Variants in ESRRG observed in about 807,000 individuals in gnomAD.
The protein encoded by ESRRG is estrogen-related receptor gamma.
ESRRG carries 13 observed loss-of-function variants against 44.0 expected under a neutral mutation model. The observed-to-expected ratio is 0.30, with a 90% CI of 0.19 to 0.47. The LOEUF (loss-of-function observed/expected upper bound fraction) is 0.47, where lower values mean the gene tolerates loss of function less well. ESRRG is among the 20% of genes least tolerant of loss of function. The pLI is 1.00. For missense variants in ESRRG, 395 were observed against 580.6 expected (o/e 0.68, Z 3.29); for synonymous variants, 215 against 214.6 (o/e 1.00, Z -0.02).
intron 1 of ESRRG, among the ~76,000 whole-genome samples, chr1:216,687,337 G>A (rs754035654): frequency 1.3e-5 from 2 of 152,152 alleles, no homozygotes; most frequent in Non-Finnish European, 2.9e-5. Context: ...GTTTGTCCCA[G>A]TGTGCGACAC....
intron 2 of ESRRG, among the ~76,000 whole-genome samples, chr1:216,909,382 C>T (rs2060061303): frequency 6.6e-6 from 1 of 152,110 alleles, no homozygotes. Flanking sequence ...ATCACAATAC[C>T]ATGGATAGTA....
At chr1:217,001,299 G>A (rs1031038868) in intron 1 of ESRRG, among the ~76,000 whole-genome samples, 1 of 152,186 alleles carries the variant, frequency 6.6e-6, no homozygotes, top group Non-Finnish European at 1.5e-5. Flanking sequence ...CAGAAATAAA[G>A]CAAATCCACA....
chr1:216,538,124 C>A (rs958309901), intron 5 of ESRRG, among the ~76,000 whole-genome samples: 1 of 152,032 alleles, frequency 6.6e-6, no homozygotes, highest in Non-Finnish European at 1.5e-5. Context: ...TTCTCCTCTA[C>A]TACTTGGCCC....
At chr1:216,775,941 T>C (rs1033017834) in intron 2 of ESRRG, among the ~76,000 whole-genome samples, 2 of 151,986 alleles carry the variant, frequency 1.3e-5, no homozygotes, top group African/African-American at 4.8e-5. Context: ...TTGAAGCTAC[T>C]CTTTCCTCTC....
intron 2 of ESRRG, among the ~76,000 whole-genome samples, chr1:216,897,801 T>TAA (rs59079393): frequency 1.2e-4 from 18 of 147,476 alleles, no homozygotes; most frequent in Non-Finnish European, 2.3e-4. Context: ...CCCAGTCCTT[T>TAA]AAAAAAAAAA....
intron 1 of ESRRG, among the ~76,000 whole-genome samples, chr1:217,121,983 G>T (rs1353609910): frequency 6.6e-6 from 1 of 152,152 alleles, no homozygotes; most frequent in Non-Finnish European, 1.5e-5. Context: ...TGCTTGTCCT[G>T]AATTTCTGTT....
At chr1:216,930,942 G>A (rs2063258927) in intron 2 of ESRRG, among the ~76,000 whole-genome samples, 2 of 152,226 alleles carry the variant, frequency 1.3e-5, no homozygotes. Flanking sequence ...AGAAGTGGGT[G>A]ATGGGATAAT....
At chr1:216,994,125 T>G (rs1459829659) in intron 1 of ESRRG, among the ~76,000 whole-genome samples, 1 of 152,182 alleles carries the variant, frequency 6.6e-6, no homozygotes, top group Non-Finnish European at 1.5e-5. Flanking sequence ...TTTTCCATAG[T>G]AGGTTATTTA....
chr1:216,972,278 T>C (rs917048083), intron 1 of ESRRG, among the ~76,000 whole-genome samples: 3 of 152,194 alleles, frequency 2.0e-5, no homozygotes, highest in African/African-American at 4.8e-5. Flanking sequence ...GTCAGAGTTA[T>C]AGTTGTTGGC....
chr1:216,743,308 C>T (rs565687215), intron 2 of ESRRG, among the ~76,000 whole-genome samples: 229 of 152,284 alleles, frequency 1.5e-3, no homozygotes, highest in Admixed American at 3.1e-3. Flanking sequence ...TGCTGGGACA[C>T]TGTGCCAAGG....
chr1:216,946,900 A>T (rs2066150231), intron 1 of ESRRG, among the ~76,000 whole-genome samples: 1 of 151,948 alleles, frequency 6.6e-6, no homozygotes, highest in African/African-American at 2.4e-5. Flanking sequence ...GGGTTTCACC[A>T]TGTTGGCCAG....
chr1:216,913,983 T>A (rs8179298), intron 2 of ESRRG, among the ~76,000 whole-genome samples: 104,172 of 152,008 alleles, frequency 0.69, 36,492 homozygotes, highest in East Asian at 0.93. Flanking sequence ...GCAAACTACA[T>A]TATTATTTTT....
At chr1:216,618,897 C>A (rs764068180) in intron 3 of ESRRG, among the ~76,000 whole-genome samples, 6 of 152,234 alleles carry the variant, frequency 3.9e-5, no homozygotes, top group Non-Finnish European at 5.9e-5. Flanking sequence ...CTACTGAGAA[C>A]AGCCCATGCC....
rs115810772 is a variant in ESRRG, at chr1:216,531,618, C to A, written c.863-12197G>T. On this transcript the variant is annotated intron_variant, in intron 5 of 6. Coordinates refer to ENST00000408911, the MANE Select transcript of ESRRG (RefSeq NM_001438.4). ...CAACACAGCTCTCGGAATTCCTCAA[C>A]CATATGAATGCAGAATCATTATCAG... 6.9e-3 allele frequency among the ~76,000 whole-genome samples: 1,057 copies of A among 152,208 alleles called. 6 individuals are homozygous for A. Among genetic ancestry groups the A allele is most frequent in the African/African-American group, 0.024 (998 of 41,524 alleles).
intron 1 of ESRRG, among the ~76,000 whole-genome samples, chr1:217,035,998 A>G (rs2082824226): frequency 6.6e-6 from 1 of 152,242 alleles, no homozygotes; most frequent in African/African-American, 2.4e-5. Flanking sequence ...AAAATGGACA[A>G]AGGACATGAA....
At chr1:216,713,672 T>C (rs2084143303) in intron 1 of ESRRG, among the ~76,000 whole-genome samples, 1 of 152,230 alleles carries the variant, frequency 6.6e-6, no homozygotes, top group Admixed American at 6.5e-5. Context: ...CTGAAGTTTC[T>C]TTTATCAACA....
intron 5 of ESRRG, among the ~76,000 whole-genome samples, chr1:216,540,431 T>C (rs752657275): frequency 7.2e-5 from 11 of 152,006 alleles, no homozygotes; most frequent in Non-Finnish European, 1.6e-4. Context: ...ATTTAATTTG[T>C]TGAGTATTCT....
intron 2 of ESRRG, among the ~76,000 whole-genome samples, chr1:216,845,189 G>A (rs771747006): frequency 6.6e-6 from 1 of 152,110 alleles, no homozygotes; most frequent in African/African-American, 2.4e-5. Flanking sequence ...TAAAGTTAAT[G>A]AGGGTTGGAA....
At chr1:216,594,117 G>T (rs560586722) in intron 3 of ESRRG, among the ~76,000 whole-genome samples, 1 of 152,278 alleles carries the variant, frequency 6.6e-6, no homozygotes, top group South Asian at 2.1e-4. Context: ...TATGAGAGTT[G>T]AGGTCAAATT....
Sources: allele counts gnomAD v4.1 joint callset (sites outside exome capture counted in the v4.1 genomes callset), GRCh38; gene constraint gnomAD v4.1.1; transcripts MANE v1.5; gene names NCBI Gene and HGNC (gene_info 2026-07-23, HGNC 2026-07-21).